ATP11C: variants seen among roughly 807,000 people sequenced by gnomAD.
The protein encoded by ATP11C is phospholipid-transporting ATPase IG.
In ATP11C, 36 loss-of-function variants were observed where a neutral mutation model predicts 97.4. That is an observed-to-expected ratio of 0.37 (90% CI 0.28 to 0.49). ATP11C has a LOEUF of 0.49. Ranked by LOEUF, ATP11C falls within the 20% of genes least tolerant of loss-of-function variation. The pLI is 0.98. For synonymous variants in ATP11C, 275 were observed against 290.9 expected, an observed-to-expected ratio of 0.95 and a Z score of 0.56; for missense variants, 730 against 824.6, an observed-to-expected ratio of 0.89 and a Z score of 1.40.
chrX:139,751,150 T>C (rs2081806383), intron 23 of ATP11C, among the ~76,000 whole-genome samples: 1 of 112,363 alleles, frequency 8.9e-6, no homozygotes, highest in African/African-American at 3.2e-5. Flanking sequence ...GGTGCATTAG[T>C]TAGTTCACTA....
At chrX:139,833,936 T>C (rs1279602838) in intron 1 of ATP11C, among the ~76,000 whole-genome samples, 2 of 111,797 alleles carry the variant, frequency 1.8e-5, no homozygotes, top group Admixed American at 1.9e-4. Flanking sequence ...TAAATGACTG[T>C]AAACTATTCG....
At chrX:139,797,883 T>C (rs1363273166) in intron 10 of ATP11C, among the ~76,000 whole-genome samples, 1 of 111,774 alleles carries the variant, frequency 8.9e-6, no homozygotes, top group Non-Finnish European at 1.9e-5. Context: ...AGGAGACTAT[T>C]ATCTATATTA....
intron 26 of ATP11C, among the ~76,000 whole-genome samples, chrX:139,741,730 C>T (rs2081560051): frequency 8.9e-6 from 1 of 111,803 alleles, no homozygotes; most frequent in South Asian, 3.7e-4. Context: ...TTAATCTCTT[C>T]ATGTTTCTGC....
At chrX:139,776,397 C>T (rs144763003) in intron 18 of ATP11C, among the ~76,000 whole-genome samples, 274 of 111,933 alleles carry the variant, frequency 2.4e-3, no homozygotes, top group South Asian at 5.3e-3. Context: ...GGGAAAGGCT[C>T]GGCCAAAGCC....
At chrX:139,927,588 G>A (rs971845776) in intron 1 of ATP11C, among the ~76,000 whole-genome samples, 1 of 110,729 alleles carries the variant, frequency 9.0e-6, no homozygotes, top group Non-Finnish European at 1.9e-5. Context: ...TGGATGACAA[G>A]AGTAAGACTC....
rs141529104 is a variant in ATP11C, at chrX:139,833,316, C to G, written c.28-6493G>C. On this transcript the variant is annotated intron_variant, in intron 1 of 29. Transcript: ENST00000682941. ...CCAGGCTATAACTTTTCTTAACATCCCCAACAAAAGAGGTAGATAAAAAGC... is the reference window on the plus strand; with the variant it reads ...CCAGGCTATAACTTTTCTTAACATCGCCAACAAAAGAGGTAGATAAAAAGC... Among the ~76,000 whole-genome samples the G allele has an allele frequency of 3.3e-3, 372 of 111,544 alleles. 5 individuals carry two copies. The East Asian group carries it at 0.07, about 21-fold the overall frequency.
chrX:139,790,929 A>C (rs961836497), intron 12 of ATP11C, among the ~76,000 whole-genome samples: 1 of 111,462 alleles, frequency 9.0e-6, no homozygotes, highest in Non-Finnish European at 1.9e-5. Context: ...CTCGGTTTTT[A>C]TCTCTTCTAT....
At chrX:139,906,731 G>A (rs775406464) in intron 1 of ATP11C, among the ~76,000 whole-genome samples, 10 of 108,774 alleles carry the variant, frequency 9.2e-5, no homozygotes, top group South Asian at 4.0e-4. Flanking sequence ...GCAGTGAGCC[G>A]AGATCATACC....
At chrX:139,817,355 G>C (rs989155995) in intron 3 of ATP11C, among the ~76,000 whole-genome samples, 8 of 112,133 alleles carry the variant, frequency 7.1e-5, no homozygotes, top group African/African-American at 9.7e-5. Flanking sequence ...GCTGAGGTCT[G>C]AAGGGTAAAC....
chrX:139,780,309 C>T (rs2082424695), intron 18 of ATP11C, among the ~76,000 whole-genome samples: 2 of 111,491 alleles, frequency 1.8e-5, no homozygotes, highest in African/African-American at 6.5e-5. Context: ...CAACAAAATA[C>T]TAGCAAACTG....
chrX:139,845,259 G>A (rs1278747483), intron 1 of ATP11C, among the ~76,000 whole-genome samples: 3 of 111,951 alleles, frequency 2.7e-5, no homozygotes, highest in South Asian at 3.8e-4. Flanking sequence ...CTAAGCAGCA[G>A]TGGCTCTGTG....
At position 139,803,685 on chromosome X, in the gene ATP11C, C is replaced by CTTTTTTTTTTTTTTTTTTTTT. The variant is rs140315105; in HGVS notation, c.555+765_555+785dup. Among the ~76,000 whole-genome samples the CTTTTTTTTTTTTTTTTTTTTT allele has an allele frequency of 1.0e-4, 4 of 38,259 alleles. 1 individual carries two copies. Among genetic ancestry groups the CTTTTTTTTTTTTTTTTTTTTT allele is most frequent in the African/African-American group, 4.2e-4 (4 of 9,548 alleles). 33.2% of individuals were successfully genotyped at this position (38,259 alleles called of 115,157 possible). A position where few individuals can be genotyped will look rare whatever the true frequency, so the allele number is the denominator to read the frequency against. ...AAACATTTTCCAAACTACACCCTAT[C>CTTTTTTTTTTTTTTTTTTTTT]TTTTTTTTTTTTTTTTTTTTTTTTT... On this transcript the variant is annotated intron_variant, in intron 6 of 29. Transcript: ENST00000682941.
At chrX:139,839,079 G>A (rs1468928433) in intron 1 of ATP11C, among the ~76,000 whole-genome samples, 1 of 112,320 alleles carries the variant, frequency 8.9e-6, no homozygotes, top group Non-Finnish European at 1.9e-5. Flanking sequence ...TCCACAATGT[G>A]AATGAATCTC....
intron 1 of ATP11C, among the ~76,000 whole-genome samples, chrX:139,856,996 T>C (rs746536292): frequency 8.9e-6 from 1 of 112,223 alleles, no homozygotes; most frequent in African/African-American, 3.2e-5. Context: ...CTGACTGCTC[T>C]ATCCAATGAG....
chrX:139,927,580 G>A (rs1249585453), intron 1 of ATP11C, among the ~76,000 whole-genome samples: 3 of 110,605 alleles, frequency 2.7e-5, no homozygotes, highest in Non-Finnish European at 5.7e-5. Context: ...CTCCAGCCTG[G>A]ATGACAAGAG....
At chrX:139,796,774 C>G (rs1182154482) in intron 11 of ATP11C, among the ~76,000 whole-genome samples, 3 of 111,373 alleles carry the variant, frequency 2.7e-5, no homozygotes, top group Non-Finnish European at 5.7e-5. Flanking sequence ...GATCAAAGTT[C>G]ATATGTAAGG....
In ATP11C at chrX:139,835,606, T is replaced by C. The variant is rs375923053; in HGVS notation, c.28-8783A>G. 2.8e-5 allele frequency among the ~76,000 whole-genome samples: 3 copies of C among 108,552 alleles called. No homozygotes were observed. In the East Asian group the frequency reaches 9.0e-4, roughly 32 times the overall value. 94.3% of individuals were successfully genotyped at this position (108,552 alleles called of 115,157 possible). On this transcript the variant is annotated intron_variant, in intron 1 of 29. Transcript: ENST00000682941. ...TTTTAGTAAAGACGGGTTTTCGCCATGTTGGCCAGGCTGGTCTCGAACTCC... is the reference window on the plus strand; with the variant it reads ...TTTTAGTAAAGACGGGTTTTCGCCACGTTGGCCAGGCTGGTCTCGAACTCC...
In ATP11C at chrX:139,853,833, CAAAAAAAAAAAAAA is replaced by C. The variant is rs934664774; in HGVS notation, c.28-27024_28-27011del. ...TCACCAGTTCAGAACTATCCTAAGT[CAAAAAAAAAAAAAA>C]AAAAAAAAAAAAAGGTAGCTTACTA... On this transcript the variant is annotated intron_variant, in intron 1 of 29. Coordinates refer to ENST00000682941, the MANE Select transcript of ATP11C (RefSeq NM_001353812.2). Among the ~76,000 whole-genome samples the C allele has an allele frequency of 2.4e-4, 5 of 21,269 alleles. 1 individual carries two copies. Among genetic ancestry groups the C allele is most frequent in the South Asian group, 5.6e-3 (1 of 179 alleles). The allele number at this position is 21,269 out of a possible 115,157, so 18.5% of individuals were successfully genotyped here. A position where few individuals can be genotyped will look rare whatever the true frequency, so the allele number is the denominator to read the frequency against.
chrX:139,836,115 A>G (rs2083745961), intron 1 of ATP11C, among the ~76,000 whole-genome samples: 1 of 108,741 alleles, frequency 9.2e-6, no homozygotes, highest in Non-Finnish European at 1.9e-5. Flanking sequence ...GTCCCCTAAA[A>G]CAAAAAAAAA....
Sources: allele counts gnomAD v4.1 joint callset (sites outside exome capture counted in the v4.1 genomes callset), GRCh38; gene constraint gnomAD v4.1.1; transcripts MANE v1.5; gene names NCBI Gene and HGNC (gene_info 2026-07-23, HGNC 2026-07-21).